The following ELAVL2 variants were observed in gnomAD, a reference collection of about 807,000 sequenced individuals.
ELAVL2 encodes ELAV like RNA binding protein 2.
Under a neutral mutation model 34.6 loss-of-function variants are expected in ELAVL2, and 4 were observed. That is an observed-to-expected ratio of 0.12 (90% CI 0.06 to 0.26). The LOEUF is 0.26. Ranked by LOEUF, ELAVL2 falls within the 10% of genes least tolerant of loss-of-function variation. The pLI is 1.00. For missense variants in ELAVL2, 432 were observed against 442.8 expected (o/e 0.98, Z 0.22); for synonymous variants, 193 against 154.8 (o/e 1.25, Z -1.83).
chr9:23,742,215 T>C (rs2049375801), intron 2 of ELAVL2, among the ~76,000 whole-genome samples: 1 of 152,124 alleles, frequency 6.6e-6, no homozygotes, highest in Non-Finnish European at 1.5e-5. Context: ...CAGGCAGGGC[T>C]TACGATTTTC....
At chr9:23,805,142 A>G (rs1368414650) in intron 1 of ELAVL2, among the ~76,000 whole-genome samples, 1 of 152,220 alleles carries the variant, frequency 6.6e-6, no homozygotes, top group Non-Finnish European at 1.5e-5. Context: ...AATAGGAAAT[A>G]TAAAAAGCCA....
chr9:23,727,933 C>T (rs2045631155), intron 3 of ELAVL2, among the ~76,000 whole-genome samples: 1 of 152,070 alleles, frequency 6.6e-6, no homozygotes, highest in Non-Finnish European at 1.5e-5. Flanking sequence ...AGGAATTTTA[C>T]CAAACGCATA....
intron 3 of ELAVL2, among the ~76,000 whole-genome samples, chr9:23,707,398 G>T (rs1276479509): frequency 1.3e-5 from 2 of 152,098 alleles, no homozygotes; most frequent in African/African-American, 4.8e-5. Flanking sequence ...TTTTTCCACA[G>T]GAGGGAGCAC....
rs184995421 is a variant in ELAVL2 at position 23,787,620 on chromosome 9, G to C, written c.-15-25371C>G. Among the ~76,000 whole-genome samples the C allele has an allele frequency of 4.7e-3, 719 of 151,828 alleles. 2 individuals carry two copies. Among genetic ancestry groups the C allele is most frequent in the Non-Finnish European group, 7.2e-3 (488 of 67,988 alleles). On this transcript the variant is annotated intron_variant, in intron 1 of 6. Transcript: ENST00000397312. ...CAGAACTCACAAAACCTGCCAATGTGGGTCTAACAAACTCCAGAGCCCATG... is the reference window on the plus strand; with the variant it reads ...CAGAACTCACAAAACCTGCCAATGTCGGTCTAACAAACTCCAGAGCCCATG...
At chr9:23,793,449 T>C (rs747152876) in intron 1 of ELAVL2, among the ~76,000 whole-genome samples, 12 of 152,210 alleles carry the variant, frequency 7.9e-5, no homozygotes, top group Non-Finnish European at 1.2e-4. Context: ...GACACACATA[T>C]AGATTTGATC....
At chr9:23,723,296 T>C (rs1188004930) in intron 3 of ELAVL2, among the ~76,000 whole-genome samples, 1 of 152,024 alleles carries the variant, frequency 6.6e-6, no homozygotes, top group Non-Finnish European at 1.5e-5. Context: ...TTGGAAATCA[T>C]CATTCTCAGT....
chr9:23,765,285 C>G (rs2055977751), intron 1 of ELAVL2, among the ~76,000 whole-genome samples: 1 of 152,088 alleles, frequency 6.6e-6, no homozygotes, highest in African/African-American at 2.4e-5. Context: ...TTTTCTTGCA[C>G]AAATATAAGC....
intron 3 of ELAVL2, among the ~76,000 whole-genome samples, chr9:23,709,872 TACAGGGAGTACAAC>T (rs2040466522): frequency 6.6e-6 from 1 of 152,184 alleles, no homozygotes; most frequent in South Asian, 2.1e-4. Flanking sequence ...TTAAAGATGA[TACAGGGAGTACAAC>T]ACTGAACACC....
At chr9:23,795,359 C>G (rs2060792101) in intron 1 of ELAVL2, among the ~76,000 whole-genome samples, 1 of 152,026 alleles carries the variant, frequency 6.6e-6, no homozygotes, top group Non-Finnish European at 1.5e-5. Context: ...GCGTGGCCAA[C>G]ATGGTAAAAT....
intron 2 of ELAVL2, among the ~76,000 whole-genome samples, chr9:23,746,944 A>ACAAAACAAG (rs1345443483): frequency 6.6e-6 from 1 of 152,154 alleles, no homozygotes; most frequent in Non-Finnish European, 1.5e-5. Flanking sequence ...TCTTCGCTCA[A>ACAAAACAAG]CAAAACAAGC....
chr9:23,777,594 T>C (rs1426153425), intron 1 of ELAVL2, among the ~76,000 whole-genome samples: 3 of 152,162 alleles, frequency 2.0e-5, no homozygotes, highest in Non-Finnish European at 4.4e-5. Context: ...CAGGACACTA[T>C]TCTTTATTCT....
chr9:23,800,000 G>T (rs905984567), intron 1 of ELAVL2, among the ~76,000 whole-genome samples: 6 of 152,164 alleles, frequency 3.9e-5, no homozygotes, highest in African/African-American at 1.2e-4. Context: ...CCCTATGCAA[G>T]ATTTGAAGAG....
chr9:23,779,904 T>A (rs1459106785), intron 1 of ELAVL2, among the ~76,000 whole-genome samples: 1 of 147,778 alleles, frequency 6.8e-6, no homozygotes, highest in Non-Finnish European at 1.5e-5. Context: ...ACTGCAAACC[T>A]TTAAGGTTGC....
At chr9:23,700,384 A>G (rs958126524) in intron 5 of ELAVL2, among the ~76,000 whole-genome samples, 87 of 152,314 alleles carry the variant, frequency 5.7e-4, no homozygotes, top group African/African-American at 1.9e-3. Flanking sequence ...TTCTTCTCAC[A>G]TGCAGATTAG....
At chr9:23,716,977 A>G (rs1009279033) in intron 3 of ELAVL2, among the ~76,000 whole-genome samples, 1 of 152,224 alleles carries the variant, frequency 6.6e-6, no homozygotes, top group Non-Finnish European at 1.5e-5. Flanking sequence ...GACAATCTAA[A>G]TGTTGGTAAG....
At chr9:23,778,651 T>C (rs1222771131) in intron 1 of ELAVL2, among the ~76,000 whole-genome samples, 1 of 152,160 alleles carries the variant, frequency 6.6e-6, no homozygotes, top group African/African-American at 2.4e-5. Flanking sequence ...TATATGCTTT[T>C]CTACCATGAT....
At chr9:23,708,766 C>T (rs959882532) in intron 3 of ELAVL2, among the ~76,000 whole-genome samples, 8 of 152,086 alleles carry the variant, frequency 5.3e-5, no homozygotes, top group Admixed American at 3.9e-4. Flanking sequence ...CTCAGCCTTC[C>T]AAGTAGCTGG....
At chr9:23,706,833 G>A (rs1052091037) in intron 3 of ELAVL2, among the ~76,000 whole-genome samples, 2 of 152,062 alleles carry the variant, frequency 1.3e-5, no homozygotes, top group African/African-American at 2.4e-5. Flanking sequence ...ACAGCTCTCT[G>A]TTGCCACTTT....
intron 1 of ELAVL2, among the ~76,000 whole-genome samples, chr9:23,778,928 A>T (rs2058651166): frequency 6.6e-6 from 1 of 152,166 alleles, no homozygotes; most frequent in Admixed American, 6.5e-5. Flanking sequence ...GTCCACAAAG[A>T]ATTAGGTATA....
Sources: gnomAD v4.1 joint callset for allele counts (sites outside exome capture counted in the v4.1 genomes callset) on GRCh38, gnomAD v4.1.1 for gene constraint, MANE v1.5 for transcripts, NCBI Gene and HGNC (gene_info 2026-07-23, HGNC 2026-07-21) for gene names.